JAKMIP3: variants seen among roughly 807,000 people sequenced by gnomAD.
JAKMIP3 encodes the protein Janus kinase and microtubule interacting protein 3.
Under a neutral mutation model 118.5 loss-of-function variants are expected in JAKMIP3, and 58 were observed. The observed-to-expected ratio is 0.49, with a 90% confidence interval of 0.40 to 0.61. The LOEUF (loss-of-function observed/expected upper bound fraction) is 0.61. JAKMIP3 is among the 20% of genes least tolerant of loss of function. The pLI is 0.00. For synonymous variants in JAKMIP3, 486 were observed against 451.2 expected, an observed-to-expected ratio of 1.08 and a Z score of -0.98; for missense variants, 950 against 1,109.0, an observed-to-expected ratio of 0.86 and a Z score of 2.04.
intron 19 of JAKMIP3, among the ~76,000 whole-genome samples, chr10:132,154,874 G>T (rs2056830978): frequency 1.0e-5 from 1 of 99,110 alleles, no homozygotes; most frequent in Non-Finnish European, 2.2e-5. Flanking sequence ...GGTGATAGTG[G>T]TGGTGATGAT....
At chr10:132,176,813 G>A (rs2060179725) in intron 23 of JAKMIP3, among the ~76,000 whole-genome samples, 1 of 151,776 alleles carries the variant, frequency 6.6e-6, no homozygotes, top group Non-Finnish European at 1.5e-5. Context: ...CTTGTTACGA[G>A]TGCTGCTTCT....
rs1352774197 is a variant in JAKMIP3 at position 132,184,131 on chromosome 10, A to G, written c.*2878A>G. The G allele has an allele frequency of 6.6e-6, 1 of 152,242 alleles. No homozygotes were observed. Among genetic ancestry groups the G allele is most frequent in the Non-Finnish European group, 1.5e-5 (1 of 68,042 alleles). The allele number at this position is 152,242 out of a possible 1,614,324, so 9.4% of individuals were successfully genotyped here. A position where few individuals can be genotyped will look rare whatever the true frequency, so the allele number is the denominator to read the frequency against. ...ACACACAGAACAACATAGATACTTT[A>G]GTTTGTCTAAAGTAAAAATCCACAT... On this transcript the variant is annotated 3_prime_UTR_variant, in exon 24 of 24. Transcript: ENST00000684848.
chr10:132,072,313 G>A (rs1346819195), intron 1 of JAKMIP3, among the ~76,000 whole-genome samples: 1 of 152,120 alleles, frequency 6.6e-6, no homozygotes, highest in Non-Finnish European at 1.5e-5. Context: ...GGGAGGCTGC[G>A]GTGGGAGGAT....
intron 3 of JAKMIP3, among the ~76,000 whole-genome samples, chr10:132,130,320 C>T (rs553042694): frequency 6.6e-6 from 1 of 152,206 alleles, no homozygotes; most frequent in Non-Finnish European, 1.5e-5. Flanking sequence ...CTCATTAAGA[C>T]CCTCTGTGCT....
intron 19 of JAKMIP3, among the ~76,000 whole-genome samples, chr10:132,159,504 G>A (rs1268259688): frequency 1.4e-5 from 2 of 138,380 alleles, no homozygotes; most frequent in Non-Finnish European, 3.1e-5. Context: ...CTCCCTGTGT[G>A]ATGCTGGGGG....
intron 1 of JAKMIP3, among the ~76,000 whole-genome samples, chr10:132,057,288 G>A (rs572598005): frequency 1.9e-4 from 29 of 152,162 alleles, no homozygotes; most frequent in Admixed American, 4.6e-4. Context: ...AGAGGCGTGC[G>A]CTGACTTCCT....
At chr10:132,166,920 C>A in intron 21 of JAKMIP3, 63 bp from the exon 22 acceptor site, 1 of 1,152,660 alleles carries the variant, frequency 8.7e-7, no homozygotes, top group Non-Finnish European at 1.3e-6. Flanking sequence ...TTGCCAGAAG[C>A]ACTACAAACT....
At chr10:132,089,598 G>A (rs552288468) in intron 1 of JAKMIP3, among the ~76,000 whole-genome samples, 10 of 152,334 alleles carry the variant, frequency 6.6e-5, no homozygotes, top group African/African-American at 2.4e-4. Flanking sequence ...TCAGCTTAAG[G>A]AGATTTGGGG....
intron 19 of JAKMIP3, among the ~76,000 whole-genome samples, chr10:132,158,107 G>T (rs1279963803): frequency 1.1e-4 from 1 of 9,434 alleles, no homozygotes; most frequent in Non-Finnish European, 2.7e-4. Context: ...CCCCGCCCCC[G>T]GCAGCATCTG....
intron 1 of JAKMIP3, among the ~76,000 whole-genome samples, chr10:132,054,542 G>C (rs994207927): frequency 3.9e-5 from 6 of 152,182 alleles, no homozygotes; most frequent in Non-Finnish European, 2.9e-5. Context: ...GTATGAGTCT[G>C]GGCCGGAACC....
chr10:132,166,723 G>A (rs2058943698), intron 21 of JAKMIP3, among the ~76,000 whole-genome samples: 1 of 152,110 alleles, frequency 6.6e-6, no homozygotes, highest in Non-Finnish European at 1.5e-5. Flanking sequence ...GCTGGGTGTG[G>A]GGCCCCTGAC....
intron 1 of JAKMIP3, among the ~76,000 whole-genome samples, chr10:132,050,319 C>T (rs2038061494): frequency 6.6e-6 from 1 of 152,146 alleles, no homozygotes; most frequent in Non-Finnish European, 1.5e-5. Flanking sequence ...TGACAGAGGC[C>T]CTGCCCAGGC....
chr10:132,179,834 C>T lies in JAKMIP3; in HGVS notation c.*1104-2523C>T, dbSNP rs1265834986. ...TAATCGGGAGGCATGGCTGGATCTGCAAGGGAAGAGTTCACAGGCACAGCC... is the reference window on the plus strand; with the variant it reads ...TAATCGGGAGGCATGGCTGGATCTGTAAGGGAAGAGTTCACAGGCACAGCC... On this transcript the variant is annotated intron_variant, in intron 23 of 23. Transcript: ENST00000684848. This position sits in a 1 kb window ranked among gnomAD's most constrained non-coding sequence, Gnocchi z 4.3. Among the ~76,000 whole-genome samples, 1 of 152,198 alleles carries T rather than the reference C, an allele frequency of 6.6e-6. No homozygotes were observed. The highest frequency in any genetic ancestry group is 1.5e-5 in the Non-Finnish European group (1 of 68,046).
rs1371037247 is a variant in JAKMIP3 at position 132,117,633 on chromosome 10, G to A, written c.633+59G>A. ...GGTGCAGGGGCGGGCGTGGGCGAGG[G>A]TGCAGGGGCGGGCGTGGGCGAGGGT... is the stretch of plus-strand genomic sequence containing the variant. On this transcript the variant is annotated intron_variant, in intron 3 of 23. Coordinates refer to ENST00000684848, the MANE Select transcript of JAKMIP3 (RefSeq NM_001323087.2). This position sits in a 1 kb window ranked among gnomAD's most constrained non-coding sequence, Gnocchi z 8.6. 9.7e-7 allele frequency: 1 copy of A among 1,027,512 alleles called. No individual in the cohort carries two copies. Among genetic ancestry groups the A allele is most frequent in the Non-Finnish European group, 1.3e-6 (1 of 747,820 alleles). The allele number at this position is 1,027,512 out of a possible 1,614,324, so 63.6% of individuals were successfully genotyped here. A position where few individuals can be genotyped will look rare whatever the true frequency, so the allele number is the denominator to read the frequency against.
chr10:132,149,523 C>T lies in JAKMIP3; in HGVS notation c.1947+13C>T. On this transcript the variant is annotated intron_variant, in intron 15 of 23. Coordinates refer to ENST00000684848, the MANE Select transcript of JAKMIP3 (RefSeq NM_001323087.2). The stretch of plus-strand genomic sequence containing the variant: ...CGAAGGTGTGACGGTGAGTCCCGCC[C>T]CTCCTGCCCACTCCGCCCCCACCTC... The T allele has an allele frequency of 2.8e-6, 4 of 1,444,966 alleles. No individual in the cohort carries two copies. The highest frequency in any genetic ancestry group is 3.7e-6 in the Non-Finnish European group (4 of 1,078,652). 89.5% of individuals were successfully genotyped at this position (1,444,966 alleles called of 1,614,324 possible). A position where few individuals can be genotyped will look rare whatever the true frequency, so the allele number is the denominator to read the frequency against.
intron 1 of JAKMIP3, among the ~76,000 whole-genome samples, chr10:132,077,025 G>C (rs540507816): frequency 6.6e-6 from 1 of 152,246 alleles, no homozygotes; most frequent in South Asian, 2.1e-4. Flanking sequence ...CTGGTCTGTG[G>C]TGGCCCCAGG....
At chr10:132,181,838 C>T (rs1320514794) in intron 23 of JAKMIP3, among the ~76,000 whole-genome samples, 3 of 152,102 alleles carry the variant, frequency 2.0e-5, no homozygotes, top group Non-Finnish European at 4.4e-5. Context: ...GCCTCTGTCC[C>T]AGCGTGCCCT....
Position 132,180,760 on chromosome 10 carries a change from C to CGCGT in JAKMIP3, c.*1104-1596_*1104-1595insCGTG, listed in dbSNP as rs1470573937. 8.7e-3 allele frequency among the ~76,000 whole-genome samples: 128 copies of CGCGT among 14,726 alleles called. 48 individuals are homozygous for CGCGT. Among genetic ancestry groups the CGCGT allele is most frequent in the Middle Eastern group, 0.071 (2 of 28 alleles). 9.7% of individuals were successfully genotyped at this position (14,726 alleles called of 152,430 possible). A position where few individuals can be genotyped will look rare whatever the true frequency, so the allele number is the denominator to read the frequency against. Reference sequence around the variant, plus strand: ...GTGCGTGCGTGCGCGCGCGTGTGTGCGTGTGTGTGCGTGTGTGTGTGTGCG... The same window carrying CGCGT: ...GTGCGTGCGTGCGCGCGCGTGTGTGCGCGTGTGTGTGTGCGTGTGTGTGTGTGCG... On this transcript the variant is annotated intron_variant, in intron 23 of 23. Transcript: ENST00000684848.
intron 11 of JAKMIP3, among the ~76,000 whole-genome samples, chr10:132,143,428 A>G (rs1285330895): frequency 6.6e-6 from 1 of 152,132 alleles, no homozygotes; most frequent in Non-Finnish European, 1.5e-5. Context: ...GAGCTGGAGA[A>G]AGCATCCTGT....
Sources: allele counts gnomAD v4.1 joint callset (sites outside exome capture counted in the v4.1 genomes callset), GRCh38; gene constraint gnomAD v4.1.1; non-coding constraint Gnocchi (gnomAD v3.1); transcripts MANE v1.5; gene names NCBI Gene and HGNC (gene_info 2026-07-23, HGNC 2026-07-21).